The following CDH13 variants were observed in gnomAD, a reference collection of about 807,000 sequenced individuals.
CDH13 encodes the protein cadherin 13, also known as cadherin-13.
A neutral mutation model predicts 63.8 loss-of-function variants in CDH13; 24 were observed. That is an observed-to-expected ratio of 0.38 (90% confidence interval 0.27 to 0.53). The LOEUF is 0.53. Among genes scored for constraint, CDH13 ranks in the 20% least tolerant of loss-of-function variants. The pLI, the probability that CDH13 is intolerant of heterozygous loss-of-function variation, is 0.85. For missense variants in CDH13, 1,049 were observed against 903.1 expected (o/e 1.16, Z -2.07); for synonymous variants, 503 against 355.3 (o/e 1.42, Z -4.67).
chr16:82,798,375 G>C lies in CDH13; in HGVS notation c.46-59987G>C, dbSNP rs112903603. Reference sequence around the variant, plus strand: ...TACCTAAAATATTCATGCACCAGATGAAAGCTTTCTTTTTTCCCCTAGACT... The same window carrying C: ...TACCTAAAATATTCATGCACCAGATCAAAGCTTTCTTTTTTCCCCTAGACT... On this transcript the variant is annotated intron_variant, in intron 1 of 13. Coordinates refer to ENST00000567109, the MANE Select transcript of CDH13 (RefSeq NM_001257.5). 3.9e-5 allele frequency among the ~76,000 whole-genome samples: 6 copies of C among 152,306 alleles called. 1 individual carries two copies. Among genetic ancestry groups the C allele is most frequent in the African/African-American group, 1.4e-4 (6 of 41,572 alleles).
intron 1 of CDH13, among the ~76,000 whole-genome samples, chr16:82,663,797 G>T (rs559782390): frequency 8.5e-5 from 13 of 152,256 alleles, no homozygotes; most frequent in African/African-American, 2.9e-4. Context: ...GGTGATCTCT[G>T]GTCCCCTTTG....
chr16:83,566,083 A>T (rs910151226), intron 7 of CDH13, among the ~76,000 whole-genome samples: 1 of 152,182 alleles, frequency 6.6e-6, no homozygotes, highest in Non-Finnish European at 1.5e-5. Flanking sequence ...GACTTGGACT[A>T]TGGAAGTTGC....
intron 6 of CDH13, among the ~76,000 whole-genome samples, chr16:83,388,417 C>G (rs2151425912): frequency 6.6e-6 from 1 of 152,248 alleles, no homozygotes; most frequent in East Asian, 1.9e-4. Flanking sequence ...TGTACCACTG[C>G]ACTCCAGCTT....
intron 5 of CDH13, among the ~76,000 whole-genome samples, chr16:83,235,312 C>T (rs2040112445): frequency 1.3e-5 from 2 of 152,092 alleles, no homozygotes; most frequent in South Asian, 4.2e-4. Flanking sequence ...GTCCGAGTGC[C>T]AATAGTGTCA....
chr16:83,397,157 G>T (rs932575342), intron 6 of CDH13, among the ~76,000 whole-genome samples: 1 of 151,974 alleles, frequency 6.6e-6, no homozygotes, highest in African/African-American at 2.4e-5. Flanking sequence ...TCCTTCTTTG[G>T]GGACACACCT....
At chr16:83,136,674 A>G (rs1311941998) in intron 4 of CDH13, among the ~76,000 whole-genome samples, 1 of 152,114 alleles carries the variant, frequency 6.6e-6, no homozygotes, top group Non-Finnish European at 1.5e-5. Flanking sequence ...CAATCTTGTT[A>G]GTGGACAGAC....
At chr16:82,661,564 C>T (rs1031093663) in intron 1 of CDH13, among the ~76,000 whole-genome samples, 2 of 152,210 alleles carry the variant, frequency 1.3e-5, no homozygotes, top group East Asian at 3.9e-4. Flanking sequence ...AGCATCAACA[C>T]CTTCTAGAAG....
At chr16:83,631,882 G>A (rs1295068769) in intron 8 of CDH13, among the ~76,000 whole-genome samples, 1 of 152,168 alleles carries the variant, frequency 6.6e-6, no homozygotes, top group Non-Finnish European at 1.5e-5. Flanking sequence ...ACGCATCAAG[G>A]TCATGGATCC....
At chr16:83,097,846 A>G (rs2034283660) in intron 3 of CDH13, among the ~76,000 whole-genome samples, 2 of 152,352 alleles carry the variant, frequency 1.3e-5, no homozygotes, top group African/African-American at 2.4e-5. Flanking sequence ...CTAAGAGGGT[A>G]GAGTAGACCA....
chr16:83,038,567 G>C (rs1187319573), intron 3 of CDH13, among the ~76,000 whole-genome samples: 1 of 152,212 alleles, frequency 6.6e-6, no homozygotes, highest in Non-Finnish European at 1.5e-5. Context: ...TGTCTGGACA[G>C]AATCATGACT....
intron 1 of CDH13, among the ~76,000 whole-genome samples, chr16:82,793,283 A>C (rs976202256): frequency 2.0e-5 from 3 of 152,092 alleles, no homozygotes; most frequent in East Asian, 3.9e-4. Flanking sequence ...TGTGGATCTG[A>C]GCGAGATGGG....
chr16:82,861,137 T>C (rs1360286529), intron 2 of CDH13, among the ~76,000 whole-genome samples: 1 of 152,210 alleles, frequency 6.6e-6, no homozygotes. Context: ...TCCTGAATCA[T>C]TGTATACCAA....
At chr16:82,891,032 G>A (rs2041062220) in intron 2 of CDH13, among the ~76,000 whole-genome samples, 1 of 117,692 alleles carries the variant, frequency 8.5e-6, no homozygotes, top group Non-Finnish European at 1.7e-5. Context: ...AAGTCATAGA[G>A]GAGGGTTTTT....
chr16:83,728,342 C>CGTGTGTGTGTGTGTGT (rs145865689), intron 10 of CDH13, among the ~76,000 whole-genome samples: 23,417 of 149,094 alleles, frequency 0.16, 1,893 homozygotes, highest in Non-Finnish European at 0.17. Context: ...TATGTGTGTG[C>CGTGTGTGTGTGTGTGT]GTGTGTGTGT....
At chr16:83,132,617 T>C (rs1014436079) in intron 4 of CDH13, among the ~76,000 whole-genome samples, 1 of 151,920 alleles carries the variant, frequency 6.6e-6, no homozygotes, top group Non-Finnish European at 1.5e-5. Context: ...CTAATTTTTG[T>C]ATTTTTTTAG....
intron 5 of CDH13, among the ~76,000 whole-genome samples, chr16:83,269,345 T>C (rs1423178195): frequency 6.6e-6 from 1 of 152,216 alleles, no homozygotes; most frequent in Non-Finnish European, 1.5e-5. Context: ...AAATATATTA[T>C]GCAATGCATT....
At chr16:82,879,157 A>G (rs1039827446) in intron 2 of CDH13, among the ~76,000 whole-genome samples, 1 of 152,128 alleles carries the variant, frequency 6.6e-6, no homozygotes, top group Non-Finnish European at 1.5e-5. Flanking sequence ...TCTGGTCCTC[A>G]TAGTATTGGT....
At chr16:83,186,894 T>C (rs912757989) in intron 4 of CDH13, among the ~76,000 whole-genome samples, 7 of 152,110 alleles carry the variant, frequency 4.6e-5, no homozygotes, top group African/African-American at 1.7e-4. Context: ...CCTGTGAAGG[T>C]GGTGAAGGGC....
In CDH13 at chr16:83,363,891, A is replaced by G. The variant is rs567622441; in HGVS notation, c.781+18885A>G. 1.5e-3 allele frequency among the ~76,000 whole-genome samples: 231 copies of G among 152,244 alleles called. 1 individual carries two copies. Among genetic ancestry groups the G allele is most frequent in the African/African-American group, 5.3e-3 (222 of 41,550 alleles). ...AATGAATATCAGAGAGGGTCACAGG[A>G]CATCAAGTGGACTTGTGACCTTGGG... On this transcript the variant is annotated intron_variant, in intron 6 of 13. Transcript: ENST00000567109.
Sources: allele counts gnomAD v4.1 joint callset (sites outside exome capture counted in the v4.1 genomes callset), GRCh38; gene constraint gnomAD v4.1.1; transcripts MANE v1.5; gene names NCBI Gene and HGNC (gene_info 2026-07-23, HGNC 2026-07-21).